The following KLRD1 variants were observed in gnomAD, a reference collection of about 807,000 sequenced individuals.
KLRD1 encodes killer cell lectin like receptor D1.
A neutral mutation model predicts 22.6 loss-of-function variants in KLRD1; 21 were observed. The ratio of observed to expected loss-of-function variants is 0.93; its 90% CI spans 0.66 to 1.34. The LOEUF (loss-of-function observed/expected upper bound fraction) is 1.34, where lower values mean the gene tolerates loss of function less well. KLRD1 is among the 40% of genes most tolerant of loss of function. The probability of loss-of-function intolerance (pLI) is 0.00; values close to 1 mark genes in which losing one functional copy is unlikely to be tolerated. For missense variants in KLRD1, 183 were observed against 208.6 expected (o/e 0.88, Z 0.76); for synonymous variants, 59 against 71.1 (o/e 0.83, Z 0.85).
chr12:10,295,956 A>G (rs1180590194), intron 1 of KLRD1, among the ~76,000 whole-genome samples: 1 of 152,190 alleles, frequency 6.6e-6, no homozygotes, highest in Non-Finnish European at 1.5e-5. Context: ...GTTTTAGTCA[A>G]TGACCAATTA....
At chr12:10,250,623 A>C (rs1025129628) in intron 1 of KLRD1, among the ~76,000 whole-genome samples, 7 of 152,072 alleles carry the variant, frequency 4.6e-5, no homozygotes, top group Admixed American at 3.9e-4. Flanking sequence ...ATGCCAGGCT[A>C]ATTTTTGTAT....
At chr12:10,257,482 CTTTTTTTTTTT>C (rs56871156) in intron 1 of KLRD1, among the ~76,000 whole-genome samples, 1 of 97,392 alleles carries the variant, frequency 1.0e-5, no homozygotes, top group Non-Finnish European at 2.1e-5. Flanking sequence ...GTAGCTGATT[CTTTTTTTTTTT>C]TTTTTTTTTT....
intron 1 of KLRD1, among the ~76,000 whole-genome samples, chr12:10,293,705 T>A (rs1350949384): frequency 1.3e-5 from 2 of 151,786 alleles, no homozygotes; most frequent in Non-Finnish European, 2.9e-5. Flanking sequence ...AAAAAAAAAA[T>A]GGCACTGATA....
At chr12:10,285,671 C>T (rs745749241) in intron 1 of KLRD1, among the ~76,000 whole-genome samples, 8 of 152,010 alleles carry the variant, frequency 5.3e-5, no homozygotes, top group South Asian at 2.1e-4. Flanking sequence ...GCACATTATC[C>T]GAAGAAAATT....
At position 10,320,603 on chromosome 12, in the gene KLRD1, A is replaced by T. The variant is rs1950303472; in HGVS notation, c.*5810A>T. ...TAAGCTAATGGAAGGGCTGTTGAGC[A>T]AAAGAAGACAGAACTTGATAGTTTT... is the stretch of plus-strand genomic sequence containing the variant. On this transcript the variant is annotated 3_prime_UTR_variant, in exon 6 of 6. Coordinates refer to ENST00000336164, the MANE Select transcript of KLRD1 (RefSeq NM_002262.5). The T allele has an allele frequency of 2.0e-5, 3 of 152,240 alleles. No homozygotes were observed. In the South Asian group the frequency reaches 6.2e-4, roughly 32 times the overall value. 9.4% of individuals were successfully genotyped at this position (152,240 alleles called of 1,614,324 possible). A position where few individuals can be genotyped will look rare whatever the true frequency, so the allele number is the denominator to read the frequency against.
intron 1 of KLRD1, among the ~76,000 whole-genome samples, chr12:10,239,570 TC>T (rs1949221769): frequency 1.4e-5 from 2 of 140,822 alleles, no homozygotes; most frequent in East Asian, 2.0e-4. Flanking sequence ...TTTCTTTCTT[TC>T]TTTCTTTCTT....
At chr12:10,307,334 G>A (rs895158834), upstream of KLRD1, among the ~76,000 whole-genome samples, 1 of 152,280 alleles carries the variant, frequency 6.6e-6, no homozygotes, top group Admixed American at 6.5e-5. Flanking sequence ...CGTCCAAGTG[G>A]GAAACCCATC....
At chr12:10,298,698 T>A (rs1565463764) in intron 1 of KLRD1, among the ~76,000 whole-genome samples, 1 of 152,274 alleles carries the variant, frequency 6.6e-6, no homozygotes, top group Non-Finnish European at 1.5e-5. Context: ...GATCTGTGCC[T>A]TAAGAACATG....
intron 1 of KLRD1, among the ~76,000 whole-genome samples, chr12:10,247,456 A>T (rs1225583540): frequency 6.6e-6 from 1 of 152,186 alleles, no homozygotes; most frequent in Non-Finnish European, 1.5e-5. Flanking sequence ...ATTTTTGTAT[A>T]ACATTTTTAG....
At chr12:10,268,438 T>C (rs1949519907) in intron 1 of KLRD1, among the ~76,000 whole-genome samples, 1 of 152,230 alleles carries the variant, frequency 6.6e-6, no homozygotes, top group Non-Finnish European at 1.5e-5. Context: ...AAATGTCAAA[T>C]AAGAGGCTTG....
intron 1 of KLRD1, among the ~76,000 whole-genome samples, chr12:10,273,830 G>A (rs530613296): frequency 6.6e-6 from 1 of 152,080 alleles, no homozygotes; most frequent in Non-Finnish European, 1.5e-5. Flanking sequence ...AAGTTATAAG[G>A]GTGGGTGGAG....
At chr12:10,306,135 C>G (rs945488041), upstream of KLRD1, among the ~76,000 whole-genome samples, 14 of 116,092 alleles carry the variant, frequency 1.2e-4, no homozygotes, top group Non-Finnish European at 2.5e-4. Flanking sequence ...CCACTGCACT[C>G]CAGCCTGGGT....
chr12:10,312,736 T>A (rs1950116105), intron 4 of KLRD1, among the ~76,000 whole-genome samples: 1 of 146,566 alleles, frequency 6.8e-6, no homozygotes, highest in Non-Finnish European at 1.5e-5. Context: ...AAACCTGTAA[T>A]CCCAGCACTT....
intron 5 of KLRD1, 99 bp from the exon 6 acceptor site, chr12:10,314,574 C>A: frequency 9.3e-7 from 1 of 1,081,044 alleles, no homozygotes; most frequent in Non-Finnish European, 1.3e-6. Context: ...GTTAGTATCT[C>A]ACTCAAATGC....
chr12:10,311,310 A>G (rs1227842509), intron 3 of KLRD1, among the ~76,000 whole-genome samples, 154 bp from the exon 4 acceptor site: 1 of 152,224 alleles, frequency 6.6e-6, no homozygotes, highest in Non-Finnish European at 1.5e-5. Flanking sequence ...TTCATGTCTA[A>G]TTAGTTCACA....
chr12:10,244,834 CA>C (rs1041946608), intron 1 of KLRD1, among the ~76,000 whole-genome samples: 3 of 151,846 alleles, frequency 2.0e-5, no homozygotes, highest in African/African-American at 7.3e-5. Flanking sequence ...AAAAAAACTT[CA>C]TTGAAGAAAT....
upstream of KLRD1, among the ~76,000 whole-genome samples, chr12:10,303,022 T>C (rs1007728990): frequency 6.6e-6 from 1 of 152,200 alleles, no homozygotes; most frequent in African/African-American, 2.4e-5. Flanking sequence ...GGTTAAACTA[T>C]AAACTAAATT....
At chr12:10,259,276 C>T (rs1487442590) in intron 1 of KLRD1, among the ~76,000 whole-genome samples, 1 of 152,190 alleles carries the variant, frequency 6.6e-6, no homozygotes, top group Non-Finnish European at 1.5e-5. Context: ...ATTACTCCAT[C>T]ACATTATTGT....
At chr12:10,300,421 T>C (rs1417850171), upstream of KLRD1, among the ~76,000 whole-genome samples, 1 of 152,232 alleles carries the variant, frequency 6.6e-6, no homozygotes, top group African/African-American at 2.4e-5. Context: ...CAATGAGCAG[T>C]AATATTTTAA....
Sources: allele counts gnomAD v4.1 joint callset (sites outside exome capture counted in the v4.1 genomes callset), GRCh38; gene constraint gnomAD v4.1.1; transcripts MANE v1.5; gene names NCBI Gene and HGNC (gene_info 2026-07-23, HGNC 2026-07-21).